Variants in PCDH15 observed in about 807,000 individuals in gnomAD.
The protein encoded by PCDH15 is protocadherin-15.
In PCDH15, 129 loss-of-function variants were observed where a neutral mutation model predicts 178.5. The observed-to-expected ratio is 0.72, with a 90% confidence interval of 0.63 to 0.84. PCDH15 has a LOEUF of 0.84. Among genes scored for constraint, PCDH15 ranks in the 40% least tolerant of loss-of-function variants. The pLI, the probability that PCDH15 is intolerant of heterozygous loss-of-function variation, is 0.00. For missense variants in PCDH15, 2,230 were observed against 2,099.9 expected, an observed-to-expected ratio of 1.06 and a Z score of -1.21; for synonymous variants, 800 against 732.0, an observed-to-expected ratio of 1.09 and a Z score of -1.50.
At position 55,591,244 on chromosome 10, in the gene PCDH15, A is replaced by C. The variant is rs12217517; in HGVS notation, c.-156+36381T>G. Among the ~76,000 whole-genome samples the C allele has an allele frequency of 1.0e-3, 153 of 151,912 alleles. 1 individual carries two copies. The highest frequency in any genetic ancestry group is 3.5e-3 in the African/African-American group (145 of 41,422). On this transcript the variant is annotated intron_variant, in intron 2 of 5. Coordinates refer to the PCDH15 transcript ENST00000613346. ...GTCCAGAAGTTTGAGAACAGCCTGT[A>C]CAACATAGTAATACCCCATCTCTAC...
intron 2 of PCDH15, among the ~76,000 whole-genome samples, chr10:55,435,673 C>A (rs1839021558): frequency 6.6e-6 from 1 of 151,762 alleles, no homozygotes; most frequent in African/African-American, 2.4e-5. Context: ...AGTGGAAAAC[C>A]AGGGTAACTT....
At chr10:55,403,234 G>A (rs566446834) in intron 2 of PCDH15, among the ~76,000 whole-genome samples, 2 of 151,374 alleles carry the variant, frequency 1.3e-5, no homozygotes, top group African/African-American at 4.8e-5. Context: ...TTTTTTTGCT[G>A]GTGAGTTGTT....
At chr10:54,539,941 C>G (rs1219787) in intron 2 of PCDH15, among the ~76,000 whole-genome samples, 1 of 152,058 alleles carries the variant, frequency 6.6e-6, no homozygotes, top group Non-Finnish European at 1.5e-5. Flanking sequence ...TTAAAAAATT[C>G]TTTTAAATAA....
At chr10:55,377,294 T>C (rs1324502155) in intron 2 of PCDH15, among the ~76,000 whole-genome samples, 1 of 151,904 alleles carries the variant, frequency 6.6e-6, no homozygotes, top group Non-Finnish European at 1.5e-5. Context: ...CTATATGTCA[T>C]AAGAAAATTA....
At position 55,217,470 on chromosome 10, in the gene PCDH15, A is replaced by T. The variant is rs192586630; in HGVS notation, c.-155-50819T>A. Among the ~76,000 whole-genome samples the T allele has an allele frequency of 6.6e-4, 100 of 151,914 alleles. 1 individual carries two copies. Among genetic ancestry groups the T allele is most frequent in the Middle Eastern group, 3.4e-3 (1 of 294 alleles). On this transcript the variant is annotated intron_variant, in intron 1 of 5. Coordinates refer to the PCDH15 transcript ENST00000458638. ...TTTCTATTTTTTATGTTCACTGTTA[A>T]ACGTTTTAAAAATGAAAGATTCTAT...
Position 55,283,812 on chromosome 10 carries a change from C to T in PCDH15, c.-156+35787G>A, listed in dbSNP as rs372004246. Among the ~76,000 whole-genome samples, 75 of 152,016 alleles carry T rather than the reference C, an allele frequency of 4.9e-4. 1 individual carries two copies. In the East Asian group the frequency reaches 0.012, roughly 25 times the overall value. The stretch of plus-strand genomic sequence containing the variant: ...CTGTCAAATAGAATAAGAAATGCAA[C>T]GTCTACTAAAAGTTGTTTGGAAACT... On this transcript the variant is annotated intron_variant, in intron 1 of 5. Coordinates refer to the PCDH15 transcript ENST00000458638.
chr10:54,243,443 C>T lies in PCDH15; in HGVS notation c.877-6512G>A, dbSNP rs1172733195. On this transcript the variant is annotated intron_variant, in intron 8 of 37. Coordinates refer to ENST00000644397, the MANE Select transcript of PCDH15 (RefSeq NM_001384140.1). ...AATGGCGTGAACCTGGGAGGCGGAGCTTGCAGTGAGCAGAGTTTGTGCCAC... is the reference window on the plus strand; with the variant it reads ...AATGGCGTGAACCTGGGAGGCGGAGTTTGCAGTGAGCAGAGTTTGTGCCAC... Among the ~76,000 whole-genome samples, 7 of 152,060 alleles carry T rather than the reference C, an allele frequency of 4.6e-5. No homozygotes were observed. In the East Asian group the frequency reaches 1.4e-3, roughly 29 times the overall value.
intron 2 of PCDH15, among the ~76,000 whole-genome samples, chr10:55,593,249 A>C (rs1398219644): frequency 6.6e-6 from 1 of 152,014 alleles, no homozygotes; most frequent in East Asian, 1.9e-4. Flanking sequence ...GTATGCTAAC[A>C]AGACAGTTTT....
chr10:54,460,374 T>C (rs1462141049), intron 3 of PCDH15, among the ~76,000 whole-genome samples: 1 of 152,072 alleles, frequency 6.6e-6, no homozygotes, highest in Non-Finnish European at 1.5e-5. Flanking sequence ...TAGGGACAAC[T>C]GATAGCCATG....
intron 15 of PCDH15, among the ~76,000 whole-genome samples, chr10:54,113,122 G>C (rs973938934): frequency 3.3e-5 from 5 of 152,156 alleles, no homozygotes; most frequent in Non-Finnish European, 2.9e-5. Flanking sequence ...AGAATTTCCG[G>C]GAAGTTTGGT....
At chr10:54,190,289 G>A (rs184148477) in intron 11 of PCDH15, among the ~76,000 whole-genome samples, 331 of 152,274 alleles carry the variant, frequency 2.2e-3, no homozygotes, top group African/African-American at 7.3e-3. Flanking sequence ...TTTTATGCTT[G>A]AGGCTTAATC....
intron 1 of PCDH15, among the ~76,000 whole-genome samples, chr10:54,664,500 T>G (rs1054351451): frequency 6.6e-6 from 1 of 152,038 alleles, no homozygotes. Flanking sequence ...AGGAAAGACA[T>G]CTTTTCTGTT....
intron 2 of PCDH15, among the ~76,000 whole-genome samples, chr10:55,547,520 G>A (rs987694367): frequency 6.6e-6 from 1 of 152,044 alleles, no homozygotes. Flanking sequence ...CACATAGAGA[G>A]CAAGGTGAGT....
At chr10:55,477,476 C>T (rs1405557675) in intron 2 of PCDH15, among the ~76,000 whole-genome samples, 1 of 151,904 alleles carries the variant, frequency 6.6e-6, no homozygotes, top group Non-Finnish European at 1.5e-5. Flanking sequence ...AGGACCGCTT[C>T]AGTGACTTAA....
chr10:55,603,141 A>G (rs1392590741), intron 2 of PCDH15, among the ~76,000 whole-genome samples: 3 of 152,168 alleles, frequency 2.0e-5, no homozygotes, highest in Non-Finnish European at 4.4e-5. Context: ...GGTATCAGCA[A>G]TGGAAGATGA....
intron 8 of PCDH15, among the ~76,000 whole-genome samples, chr10:54,314,613 G>A (rs1006671195): frequency 6.6e-6 from 1 of 152,040 alleles, no homozygotes; most frequent in Non-Finnish European, 1.5e-5. Context: ...GGAGGTTGTT[G>A]TATAGATTAT....
chr10:55,173,875 T>G (rs1222296152), intron 1 of PCDH15, among the ~76,000 whole-genome samples: 5 of 152,114 alleles, frequency 3.3e-5, no homozygotes, highest in African/African-American at 9.7e-5. Context: ...ATTAGAAAAT[T>G]TATACCAATA....
At chr10:55,224,069 T>C (rs953273055) in intron 1 of PCDH15, among the ~76,000 whole-genome samples, 3 of 152,118 alleles carry the variant, frequency 2.0e-5, no homozygotes, top group East Asian at 3.9e-4. Context: ...CTGGACAACA[T>C]GGCGAAGCCC....
intron 2 of PCDH15, among the ~76,000 whole-genome samples, chr10:55,457,070 C>G (rs1431519840): frequency 6.6e-6 from 1 of 151,944 alleles, no homozygotes; most frequent in Non-Finnish European, 1.5e-5. Flanking sequence ...GCTGAGCATA[C>G]AATGTGAAAG....
Sources: gnomAD v4.1 joint callset for allele counts (sites outside exome capture counted in the v4.1 genomes callset) on GRCh38, gnomAD v4.1.1 for gene constraint, MANE v1.5 for transcripts, NCBI Gene and HGNC (gene_info 2026-07-23, HGNC 2026-07-21) for gene names.